DCUN1D1: variants seen among roughly 807,000 people sequenced by gnomAD.
The protein encoded by DCUN1D1 is defective in cullin neddylation 1 domain containing 1.
DCUN1D1 carries 3 observed loss-of-function variants against 39.0 expected under a neutral mutation model. The ratio of observed to expected loss-of-function variants is 0.08; its 90% CI spans 0.04 to 0.20. The LOEUF is 0.20. Ranked by LOEUF, DCUN1D1 falls within the 10% of genes least tolerant of loss-of-function variation. The pLI, the probability that DCUN1D1 is intolerant of heterozygous loss-of-function variation, is 1.00. For synonymous variants in DCUN1D1, 82 were observed against 96.3 expected, an observed-to-expected ratio of 0.85 and a Z score of 0.87; for missense variants, 158 against 302.4, an observed-to-expected ratio of 0.52 and a Z score of 3.54.
chr3:182,980,576 G>C (rs927470049), upstream of DCUN1D1: 1 of 1,163,516 alleles, frequency 8.6e-7, no homozygotes, highest in Non-Finnish European at 1.1e-6. Context: ...TCACGGGCTT[G>C]CCCGGCTCCC....
upstream of DCUN1D1, among the ~76,000 whole-genome samples, chr3:182,982,628 T>G (rs1484090131): frequency 1.3e-5 from 2 of 152,084 alleles, no homozygotes; most frequent in Non-Finnish European, 2.9e-5. Flanking sequence ...CTTAGCCAAT[T>G]CTTTTTGTTG....
intron 6 of DCUN1D1, 94 bp from the exon 7 acceptor site, chr3:182,945,267 C>CTA: frequency 1.1e-6 from 1 of 934,574 alleles, no homozygotes; most frequent in Non-Finnish European, 1.6e-6. Flanking sequence ...AAGACTTCCT[C>CTA]ATAAGCGTTA....
At chr3:182,958,343 C>A (rs1727203720) in intron 4 of DCUN1D1, among the ~76,000 whole-genome samples, 1 of 151,874 alleles carries the variant, frequency 6.6e-6, no homozygotes, top group African/African-American at 2.4e-5. Flanking sequence ...TTTCCATATA[C>A]CCTCTTCCCT....
chr3:182,977,434 G>GT (rs1728291821), intron 1 of DCUN1D1, among the ~76,000 whole-genome samples: 1 of 151,798 alleles, frequency 6.6e-6, no homozygotes, highest in South Asian at 2.1e-4. Flanking sequence ...CAACCCACAC[G>GT]TTTTGAACAC....
Position 182,975,207 on chromosome 3 carries a change from C to T in DCUN1D1, c.3+5280G>A, listed in dbSNP as rs1406182485. Among the ~76,000 whole-genome samples, 4 of 150,364 alleles carry T rather than the reference C, an allele frequency of 2.7e-5. No individual in the cohort carries two copies. The East Asian group carries it at 5.8e-4, about 22-fold the overall frequency. ...TTTTTTTTTTTTTGAGACAGGGTCCCGCTCTGTCGCCCAGGCTGGAGTGCA... is the reference window on the plus strand; with the variant it reads ...TTTTTTTTTTTTTGAGACAGGGTCCTGCTCTGTCGCCCAGGCTGGAGTGCA... On this transcript the variant is annotated intron_variant, in intron 1 of 6. Transcript: ENST00000292782.
intron 3 of DCUN1D1, among the ~76,000 whole-genome samples, chr3:182,963,680 A>T (rs1727516900): frequency 6.6e-6 from 1 of 152,240 alleles, no homozygotes; most frequent in African/African-American, 2.4e-5. Context: ...GAATATAGCC[A>T]AATAGAATAG....
At chr3:182,967,147 TATATATATATA>T (rs1560176478) in intron 1 of DCUN1D1, among the ~76,000 whole-genome samples, 7 of 149,518 alleles carry the variant, frequency 4.7e-5, no homozygotes, top group South Asian at 2.1e-4. Flanking sequence ...TATATATATA[TATATATATATA>T]TTTTCTGTGG....
In DCUN1D1 at chr3:182,954,293, T is replaced by C. The variant is rs146511343; in HGVS notation, c.521-6661A>G. 1.4e-4 allele frequency among the ~76,000 whole-genome samples: 21 copies of C among 152,328 alleles called. No individual in the cohort carries two copies. In the East Asian group the frequency reaches 4.0e-3, roughly 29 times the overall value. On this transcript the variant is annotated intron_variant, in intron 4 of 6. Transcript: ENST00000292782. The stretch of plus-strand genomic sequence containing the variant: ...TACGCAAAAGTTCACAGAACTATTT[T>C]GCTACCTTTTCTGATTGATATTTTC...
chr3:182,977,180 C>T (rs1008838921), intron 1 of DCUN1D1, among the ~76,000 whole-genome samples: 1 of 152,092 alleles, frequency 6.6e-6, no homozygotes, highest in African/African-American at 2.4e-5. Context: ...AAATGGTAGA[C>T]CAGGAGAAAA....
chr3:182,964,120 T>C (rs1727542499), intron 2 of DCUN1D1, 71 bp from the exon 3 acceptor site: 8 of 1,276,752 alleles, frequency 6.3e-6, no homozygotes, highest in Non-Finnish European at 8.8e-6. Context: ...AAAAAGGTAA[T>C]GCTTTATATG....
chr3:182,965,417 C>A, intron 2 of DCUN1D1, 120 bp downstream of exon 2: 1 of 562,102 alleles, frequency 1.8e-6, no homozygotes, highest in Non-Finnish European at 3.1e-6. Flanking sequence ...CTAAGATCTA[C>A]AGACCTCTAT....
rs35338278 is a variant in DCUN1D1 at position 182,974,472 on chromosome 3, CA to C, written c.3+6014del. 2.3e-3 allele frequency among the ~76,000 whole-genome samples: 334 copies of C among 142,274 alleles called. 1 individual carries two copies. Among genetic ancestry groups the C allele is most frequent in the African/African-American group, 8.3e-3 (313 of 37,528 alleles). The allele number at this position is 142,274 out of a possible 152,430, so 93.3% of individuals were successfully genotyped here. ...TAAATTAACAAAAGATTACTGAGGC[CA>C]AAAAAAAAAACCAACACACAAAAAA... On this transcript the variant is annotated intron_variant, in intron 1 of 6. Transcript: ENST00000292782.
At chr3:182,976,438 C>CAT (rs1728241977) in intron 1 of DCUN1D1, among the ~76,000 whole-genome samples, 1 of 100,336 alleles carries the variant, frequency 1.0e-5, no homozygotes, top group Non-Finnish European at 2.1e-5. Flanking sequence ...TGTACATATA[C>CAT]ATACATACAC....
At chr3:182,952,971 T>G (rs1425681842) in intron 4 of DCUN1D1, among the ~76,000 whole-genome samples, 1 of 152,190 alleles carries the variant, frequency 6.6e-6, no homozygotes, top group African/African-American at 2.4e-5. Context: ...CATGTTAAAA[T>G]TCTTCAATCA....
intron 6 of DCUN1D1, among the ~76,000 whole-genome samples, chr3:182,946,968 A>C (rs2108622574): frequency 6.6e-6 from 1 of 152,194 alleles, no homozygotes; most frequent in African/African-American, 2.4e-5. Context: ...CAGGCATTGC[A>C]GCGCATGCCT....
At chr3:182,958,235 A>T (rs1727194626) in intron 4 of DCUN1D1, among the ~76,000 whole-genome samples, 1 of 152,134 alleles carries the variant, frequency 6.6e-6, no homozygotes, top group African/African-American at 2.4e-5. Flanking sequence ...CAAACCAAAA[A>T]AAAAAACTAT....
At position 182,946,556 on chromosome 3, in the gene DCUN1D1, C is replaced by CAAA. The variant is rs71185614; in HGVS notation, c.700+679_700+681dup. ...TGGGTGACAGAGCAAGACTCCATCTCAAAAAAAAAAAAAAAAAAAAAAGTC... is the reference window on the plus strand; with the variant it reads ...TGGGTGACAGAGCAAGACTCCATCTCAAAAAAAAAAAAAAAAAAAAAAAAAGTC... On this transcript the variant is annotated intron_variant, in intron 6 of 6. Coordinates refer to ENST00000292782, the MANE Select transcript of DCUN1D1 (RefSeq NM_020640.4). Among the ~76,000 whole-genome samples the CAAA allele has an allele frequency of 3.0e-3, 183 of 60,442 alleles. 1 individual carries two copies. The highest frequency in any genetic ancestry group is 0.014 in the Middle Eastern group (1 of 74). The allele number at this position is 60,442 out of a possible 152,430, so 39.7% of individuals were successfully genotyped here.
At chr3:182,980,255 C>G (rs1728471012) in intron 1 of DCUN1D1, 1 of 305,352 alleles carries the variant, frequency 3.3e-6, no homozygotes, top group Non-Finnish European at 4.8e-6. Context: ...CCGACTAGGC[C>G]CGGCTCCGCT....
chr3:182,954,739 C>T (rs1330883273), intron 4 of DCUN1D1, among the ~76,000 whole-genome samples: 1 of 152,132 alleles, frequency 6.6e-6, no homozygotes, highest in Middle Eastern at 3.2e-3. Flanking sequence ...AAGTATGAGG[C>T]TTTTGCTATG....
Sources: gnomAD v4.1 joint callset for allele counts (sites outside exome capture counted in the v4.1 genomes callset) on GRCh38, gnomAD v4.1.1 for gene constraint, MANE v1.5 for transcripts, NCBI Gene and HGNC (gene_info 2026-07-23, HGNC 2026-07-21) for gene names.